Variants in PRDM12 observed in about 807,000 individuals in gnomAD.
PRDM12 encodes the protein PR domain zinc finger protein 12.
In PRDM12, 17 loss-of-function variants were observed where a neutral mutation model predicts 29.6. The observed-to-expected ratio is 0.57, with a 90% CI of 0.39 to 0.86. The LOEUF (loss-of-function observed/expected upper bound fraction) is 0.86. Ranked by LOEUF, PRDM12 falls within the 40% of genes least tolerant of loss-of-function variation. PRDM12 has a pLI of 0.00. For missense variants in PRDM12, 422 were observed against 510.8 expected (o/e 0.83, Z 1.68); for synonymous variants, 231 against 225.8 (o/e 1.02, Z -0.21).
chr9:130,669,113 G>T (rs1359465471), intron 3 of PRDM12, among the ~76,000 whole-genome samples: 2 of 152,048 alleles, frequency 1.3e-5, no homozygotes, highest in African/African-American at 4.8e-5. Context: ...AGATCACAAG[G>T]TCAGGAGATC....
At chr9:130,674,733 T>C (rs1033000732) in intron 3 of PRDM12, among the ~76,000 whole-genome samples, 6 of 152,100 alleles carry the variant, frequency 3.9e-5, no homozygotes, top group Non-Finnish European at 2.9e-5. Context: ...TTTCATACCA[T>C]GTTATATGTT....
At chr9:130,665,950 G>C (rs544707611) in intron 1 of PRDM12, among the ~76,000 whole-genome samples, 5 of 152,216 alleles carry the variant, frequency 3.3e-5, no homozygotes, top group African/African-American at 7.2e-5. Flanking sequence ...GATGACATCG[G>C]GGTTTGTCTG....
At position 130,668,550 on chromosome 9, in the gene PRDM12, C is replaced by G. The variant is rs1221194341; in HGVS notation, c.570+237C>G. On this transcript the variant is annotated intron_variant, in intron 3 of 4. Transcript: ENST00000253008. The surrounding 1 kb of genome is among the most constrained non-coding windows in gnomAD (Gnocchi z 4.0). Reference sequence around the variant, plus strand: ...GCTGCAGATCAGAAATGATGGAGCTCTCAACTTGACGGCATTGGGAATGTC... The same window carrying G: ...GCTGCAGATCAGAAATGATGGAGCTGTCAACTTGACGGCATTGGGAATGTC... Among the ~76,000 whole-genome samples, 1 of 152,172 alleles carries G rather than the reference C, an allele frequency of 6.6e-6. No homozygotes were observed. Among genetic ancestry groups the G allele is most frequent in the South Asian group, 2.1e-4 (1 of 4,832 alleles).
At chr9:130,678,081 T>C (rs1014181493) in intron 3 of PRDM12, among the ~76,000 whole-genome samples, 1 of 152,034 alleles carries the variant, frequency 6.6e-6, no homozygotes, top group Non-Finnish European at 1.5e-5. Flanking sequence ...TTCCGGAACA[T>C]TATCGCCTCA....
chr9:130,668,073 G>GAGGATA lies in PRDM12; in HGVS notation c.415-85_415-84insAGGATA. 6.7e-7 allele frequency: 1 copy of GAGGATA among 1,482,818 alleles called. No homozygotes were observed. The highest frequency in any genetic ancestry group is 1.2e-5 in the South Asian group (1 of 83,348). 91.9% of individuals were successfully genotyped at this position (1,482,818 alleles called of 1,614,324 possible). A position where few individuals can be genotyped will look rare whatever the true frequency, so the allele number is the denominator to read the frequency against. On this transcript the variant is annotated intron_variant, in intron 2 of 4. Coordinates refer to ENST00000253008, the MANE Select transcript of PRDM12 (RefSeq NM_021619.3). This position sits in a 1 kb window ranked among gnomAD's most constrained non-coding sequence, Gnocchi z 4.0. The stretch of plus-strand genomic sequence containing the variant: ...CACTTCCTGGGGCTGTTGTGAGGAT[G>GAGGATA]GAGAGTGTGTGTGTGGATGTGCCTG...
chr9:130,669,028 A>C (rs184074286), intron 3 of PRDM12, among the ~76,000 whole-genome samples: 15 of 152,278 alleles, frequency 9.9e-5, no homozygotes, highest in Admixed American at 2.6e-4. Context: ...GCCAGGTAAC[A>C]GCCTGAACAC....
At chr9:130,666,121 T>A (rs1469525664) in intron 1 of PRDM12, among the ~76,000 whole-genome samples, 1 of 152,156 alleles carries the variant, frequency 6.6e-6, no homozygotes, top group East Asian at 1.9e-4. Flanking sequence ...CCAGCGCTGA[T>A]CACGGCCCGG....
chr9:130,672,550 C>T (rs890438839), intron 3 of PRDM12, among the ~76,000 whole-genome samples: 2 of 152,192 alleles, frequency 1.3e-5, no homozygotes, highest in Non-Finnish European at 2.9e-5. Context: ...TTACTATCCT[C>T]ATTTTTATGA....
chr9:130,676,954 ACTGGAGTGGTCACCCAGG>A (rs1353314326), intron 3 of PRDM12, among the ~76,000 whole-genome samples: 1 of 150,938 alleles, frequency 6.6e-6, no homozygotes, highest in Non-Finnish European at 1.5e-5. Flanking sequence ...TGTCACCCAG[ACTGGAGTGGTCACCCAGG>A]CTGGAGTGTA....
rs1380230036 is a variant in PRDM12 at position 130,681,855 on chromosome 9, C to T, written c.*186C>T. 1 of 452,008 alleles carries T rather than the reference C, an allele frequency of 2.2e-6. No homozygotes were observed. The highest frequency in any genetic ancestry group is 2.1e-5 in the African/African-American group (1 of 46,800). 28.0% of individuals were successfully genotyped at this position (452,008 alleles called of 1,614,324 possible). A position where few individuals can be genotyped will look rare whatever the true frequency, so the allele number is the denominator to read the frequency against. On this transcript the variant is annotated 3_prime_UTR_variant, in exon 5 of 5. Coordinates refer to ENST00000253008, the MANE Select transcript of PRDM12 (RefSeq NM_021619.3). This position sits in a 1 kb window ranked among gnomAD's most constrained non-coding sequence, Gnocchi z 8.1. ...TTGGCCCGTGTCGCAGATGAGGACACTGAGGGCGGCGTCCCTCACCCAGGC... is the reference window on the plus strand; with the variant it reads ...TTGGCCCGTGTCGCAGATGAGGACATTGAGGGCGGCGTCCCTCACCCAGGC...
intron 3 of PRDM12, among the ~76,000 whole-genome samples, chr9:130,669,677 G>A (rs1236113727): frequency 2.0e-5 from 3 of 150,808 alleles, no homozygotes; most frequent in Non-Finnish European, 3.0e-5. Context: ...TTAGCCGGGT[G>A]TGGTTGCGGG....
At chr9:130,676,699 C>T (rs1830846020) in intron 3 of PRDM12, among the ~76,000 whole-genome samples, 1 of 152,154 alleles carries the variant, frequency 6.6e-6, no homozygotes, top group Admixed American at 6.5e-5. Flanking sequence ...CACCGTCTAA[C>T]TTCCTGTGGC....
At chr9:130,674,909 T>A (rs1830827138) in intron 3 of PRDM12, among the ~76,000 whole-genome samples, 1 of 152,202 alleles carries the variant, frequency 6.6e-6, no homozygotes, top group African/African-American at 2.4e-5. Flanking sequence ...AGATGGAGTT[T>A]CACTTTGTTG....
At chr9:130,678,482 C>T in intron 3 of PRDM12, 47 bp from the exon 4 acceptor site, 1 of 1,434,186 alleles carries the variant, frequency 7.0e-7, no homozygotes, top group Non-Finnish European at 9.7e-7. Flanking sequence ...CAACTCTCAC[C>T]TCCCAGCTGC....
intron 2 of PRDM12, among the ~76,000 whole-genome samples, chr9:130,667,846 G>A (rs1830747896): frequency 6.6e-6 from 1 of 152,142 alleles, no homozygotes; most frequent in Non-Finnish European, 1.5e-5. Flanking sequence ...AGAGCTCAGG[G>A]CCACTTTGTC....
rs1564249877 is a variant in PRDM12 at position 130,681,604 on chromosome 9, C to G, written c.1039C>G (p.Leu347Val). Residue 347 changes from leucine to valine, a missense_variant, in exon 5 of 5, where the codon CTC (leucine) becomes GTC (valine). Physicochemically the swap from Leu to Val is conservative, Grantham distance 32. Transcript: ENST00000253008. This position sits in a 1 kb window ranked among gnomAD's most constrained non-coding sequence, Gnocchi z 8.1. Reference sequence around the variant, plus strand: ...CGCCCCGCACGCGCACGCGCCCGCGCTCGCCGCCGCCGCCGCCGCCGCCGC... The same window carrying G: ...CGCCCCGCACGCGCACGCGCCCGCGGTCGCCGCCGCCGCCGCCGCCGCCGC... ...LPAPHAHAPA[L>V]AAAAAAAAAA... The G allele has an allele frequency of 6.6e-6, 6 of 903,036 alleles. No individual in the cohort carries two copies. Among genetic ancestry groups the G allele is most frequent in the Non-Finnish European group, 7.8e-6 (6 of 770,612 alleles). The allele number at this position is 903,036 out of a possible 1,614,324, so 55.9% of individuals were successfully genotyped here.
chr9:130,680,031 G>A (rs1226238494), intron 4 of PRDM12, among the ~76,000 whole-genome samples: 1 of 152,022 alleles, frequency 6.6e-6, no homozygotes, highest in African/African-American at 2.4e-5. Context: ...TGCAGCTGAT[G>A]TTTTACAAAC....
At chr9:130,666,585 T>G in intron 1 of PRDM12, 23 bp from the exon 2 acceptor site, 1 of 1,592,174 alleles carries the variant, frequency 6.3e-7, no homozygotes. Flanking sequence ...CTCTGACCGG[T>G]TTTCCTGGCC....
At position 130,676,350 on chromosome 9, in the gene PRDM12, C is replaced by T. The variant is rs532680801; in HGVS notation, c.571-2179C>T. Among the ~76,000 whole-genome samples the T allele has an allele frequency of 3.3e-3, 508 of 152,000 alleles. 5 individuals carry two copies. Among genetic ancestry groups the T allele is most frequent in the African/African-American group, 0.012 (493 of 41,442 alleles). ...CTAAAAATACAAAAAATTAGCCGGG[C>T]GTGGGTGTGGTGGCGGGCACCTGTA... On this transcript the variant is annotated intron_variant, in intron 3 of 4. Transcript: ENST00000253008.
Sources: allele counts gnomAD v4.1 joint callset (sites outside exome capture counted in the v4.1 genomes callset), GRCh38; gene constraint gnomAD v4.1.1; non-coding constraint Gnocchi (gnomAD v3.1); transcripts MANE v1.5; gene names NCBI Gene and HGNC (gene_info 2026-07-23, HGNC 2026-07-21).